Variants in TRPM3 observed in about 807,000 individuals in gnomAD.
TRPM3 encodes the protein transient receptor potential cation channel subfamily M member 3, also known as long transient receptor potential channel 3.
In TRPM3, 77 loss-of-function variants were observed where a neutral mutation model predicts 181.2. The observed-to-expected ratio is 0.42, with a 90% CI of 0.35 to 0.51. The LOEUF (loss-of-function observed/expected upper bound fraction) is 0.51, where lower values mean the gene tolerates loss of function less well. Ranked by LOEUF, TRPM3 falls within the 20% of genes least tolerant of loss-of-function variation. The pLI, the probability that TRPM3 is intolerant of heterozygous loss-of-function variation, is 0.01. For missense variants in TRPM3, 1,759 were observed against 2,196.7 expected, an observed-to-expected ratio of 0.80 and a Z score of 3.98; for synonymous variants, 745 against 796.4, an observed-to-expected ratio of 0.94 and a Z score of 1.09.
chr9:70,769,220 G>A lies in TRPM3; in HGVS notation c.1149-7496C>T, dbSNP rs79137454. The stretch of plus-strand genomic sequence containing the variant: ...GTCTATGGTCTTGCTCCACAGCTAG[G>A]CTCATCTCCTGCCACTCTGTCACAC... On this transcript the variant is annotated intron_variant, in intron 7 of 25. Transcript: ENST00000677713. Among the ~76,000 whole-genome samples the A allele has an allele frequency of 4.1e-3, 623 of 152,134 alleles. 15 individuals carry two copies. The East Asian group carries it at 0.055, about 13-fold the overall frequency.
intron 6 of TRPM3, 21 bp downstream of exon 6, chr9:70,827,826 G>T (rs1240880240): frequency 5.0e-6 from 8 of 1,611,386 alleles, no homozygotes; most frequent in African/African-American, 1.3e-5. Flanking sequence ...AGCCATGCCA[G>T]TGGGAACAAC....
chr9:70,862,808 G>T, intron 3 of TRPM3, 100 bp downstream of exon 3: 1 of 1,212,972 alleles, frequency 8.2e-7, no homozygotes, highest in Non-Finnish European at 1.2e-6. Context: ...GCAGAGTGGA[G>T]ATTAGGCCCA....
At chr9:70,903,692 A>T (rs1327485881) in intron 1 of TRPM3, among the ~76,000 whole-genome samples, 1 of 152,174 alleles carries the variant, frequency 6.6e-6, no homozygotes, top group Admixed American at 6.5e-5. Flanking sequence ...TTATCTATAG[A>T]TTATTCAATT....
intron 1 of TRPM3, among the ~76,000 whole-genome samples, chr9:71,224,866 C>T (rs931923967): frequency 6.6e-6 from 1 of 151,466 alleles, no homozygotes; most frequent in Non-Finnish European, 1.5e-5. Context: ...ATTGATTCAG[C>T]AGAAAGAAAA....
chr9:71,282,400 G>T lies in TRPM3; in HGVS notation c.183+164253C>A, dbSNP rs552933378. ...GAAAGAAAGAAAGGAAAGAAAGAAA[G>T]GAAAAGAAAGAAAAAGAAAAAGAAA... is the stretch of plus-strand genomic sequence containing the variant. On this transcript the variant is annotated intron_variant, in intron 1 of 24. Coordinates refer to the TRPM3 transcript ENST00000357533. Among the ~76,000 whole-genome samples, 2 of 116,852 alleles carry T rather than the reference G, an allele frequency of 1.7e-5. 1 individual carries two copies. The highest frequency in any genetic ancestry group is 8.2e-5 in the African/African-American group (2 of 24,254). 76.7% of individuals were successfully genotyped at this position (116,852 alleles called of 152,430 possible).
intron 1 of TRPM3, among the ~76,000 whole-genome samples, chr9:71,204,040 ACACCTT>A (rs1325944327): frequency 6.6e-6 from 1 of 151,902 alleles, no homozygotes; most frequent in East Asian, 1.9e-4. Flanking sequence ...TCCCTTCCTT[ACACCTT>A]ATACAAAAAT....
intron 6 of TRPM3, among the ~76,000 whole-genome samples, chr9:70,788,093 T>C (rs1036978554): frequency 6.7e-6 from 1 of 149,432 alleles, no homozygotes; most frequent in South Asian, 2.2e-4. Context: ...ACATGTGCCA[T>C]GCTGGTGCGC....
At chr9:70,643,253 ATTTGGAAAGGTAGCAC>A (rs1350219838) in intron 9 of TRPM3, among the ~76,000 whole-genome samples, 1 of 152,208 alleles carries the variant, frequency 6.6e-6, no homozygotes, top group Non-Finnish European at 1.5e-5. Flanking sequence ...TTGCGATTGC[ATTTGGAAAGGTAGCAC>A]TTTACATGTT....
intron 20 of TRPM3, among the ~76,000 whole-genome samples, chr9:70,600,206 T>C (rs1002762270): frequency 6.6e-6 from 1 of 151,930 alleles, no homozygotes; most frequent in Admixed American, 6.5e-5. Flanking sequence ...TTAGTGAAGC[T>C]GTGCACCAGG....
chr9:70,977,560 C>T (rs951860298), intron 1 of TRPM3, among the ~76,000 whole-genome samples: 1 of 152,248 alleles, frequency 6.6e-6, no homozygotes, highest in African/African-American at 2.4e-5. Context: ...GATTCTGACA[C>T]TATCTGAAGT....
At chr9:71,036,446 C>A (rs542981125) in intron 1 of TRPM3, among the ~76,000 whole-genome samples, 3 of 152,282 alleles carry the variant, frequency 2.0e-5, no homozygotes, top group African/African-American at 7.2e-5. Flanking sequence ...AACCAAATTT[C>A]ACTTATTTAT....
intron 21 of TRPM3, among the ~76,000 whole-genome samples, chr9:70,593,503 G>A (rs1589013689): frequency 6.6e-6 from 1 of 152,182 alleles, no homozygotes; most frequent in African/African-American, 2.4e-5. Flanking sequence ...TTGACCCAAG[G>A]AAACTCAGCC....
At chr9:71,433,194 T>C (rs2093983611) in intron 1 of TRPM3, among the ~76,000 whole-genome samples, 1 of 152,204 alleles carries the variant, frequency 6.6e-6, no homozygotes. Context: ...TCATCTCTGA[T>C]ATGGTTTTGC....
chr9:70,778,181 G>A (rs1190576100), intron 7 of TRPM3, among the ~76,000 whole-genome samples: 3 of 152,144 alleles, frequency 2.0e-5, no homozygotes, highest in Non-Finnish European at 4.4e-5. Flanking sequence ...TGATGGAAAA[G>A]GGGAAGAGGA....
intron 1 of TRPM3, among the ~76,000 whole-genome samples, chr9:71,184,832 T>C (rs137864113): frequency 3.5e-4 from 53 of 152,232 alleles, no homozygotes; most frequent in Non-Finnish European, 7.4e-4. Context: ...ATGTGTTGCT[T>C]AGGCCAGAGG....
chr9:71,072,841 C>T (rs1274458085), intron 1 of TRPM3, among the ~76,000 whole-genome samples: 1 of 152,128 alleles, frequency 6.6e-6, no homozygotes, highest in African/African-American at 2.4e-5. Flanking sequence ...ACAAGTGTTT[C>T]TTGTGATTAG....
intron 1 of TRPM3, among the ~76,000 whole-genome samples, chr9:71,341,672 A>G (rs1419347119): frequency 2.4e-3 from 7 of 2,880 alleles, no homozygotes; most frequent in Admixed American, 0.021. Flanking sequence ...AAACTAGTAA[A>G]AAAAAAAAAA....
intron 1 of TRPM3, among the ~76,000 whole-genome samples, chr9:71,237,398 TCTTTATC>T (rs1268213648): frequency 6.6e-6 from 1 of 152,124 alleles, no homozygotes; most frequent in Non-Finnish European, 1.5e-5. Context: ...TTAAATAGTC[TCTTTATC>T]CAGGCACCTT....
At chr9:70,832,109 A>G (rs1195855351) in intron 5 of TRPM3, among the ~76,000 whole-genome samples, 1 of 122,360 alleles carries the variant, frequency 8.2e-6, no homozygotes, top group Non-Finnish European at 1.6e-5. Flanking sequence ...ACATGGACAC[A>G]GGAAGGGGAA....
Sources: gnomAD v4.1 joint callset for allele counts (sites outside exome capture counted in the v4.1 genomes callset) on GRCh38, gnomAD v4.1.1 for gene constraint, MANE v1.5 for transcripts, NCBI Gene and HGNC (gene_info 2026-07-23, HGNC 2026-07-21) for gene names.